The following THSD7A variants were observed in gnomAD, a reference collection of about 807,000 sequenced individuals.
THSD7A encodes the protein thrombospondin type 1 domain containing 7A, also known as thrombospondin type-1 domain-containing protein 7A.
Under a neutral mutation model 231.3 loss-of-function variants are expected in THSD7A, and 96 were observed. The observed-to-expected ratio is 0.41, with a 90% CI of 0.35 to 0.49. THSD7A has a LOEUF of 0.49. Ranked by LOEUF, THSD7A falls within the 20% of genes least tolerant of loss-of-function variation. The pLI is 0.05. For missense variants in THSD7A, 2,290 were observed against 2,070.2 expected (o/e 1.11, Z -2.06); for synonymous variants, 940 against 743.3 (o/e 1.26, Z -4.30).
intron 1 of THSD7A, among the ~76,000 whole-genome samples, chr7:11,778,677 C>T (rs1039474788): frequency 6.6e-6 from 1 of 152,016 alleles, no homozygotes; most frequent in African/African-American, 2.4e-5. Context: ...CACAGTTCAA[C>T]TTAGGACAAT....
chr7:11,501,034 G>C (rs1787315238), intron 6 of THSD7A, among the ~76,000 whole-genome samples: 1 of 150,648 alleles, frequency 6.6e-6, no homozygotes, highest in African/African-American at 2.4e-5. Context: ...AGACAAGGAA[G>C]GGCATTATAT....
intron 1 of THSD7A, among the ~76,000 whole-genome samples, chr7:11,685,981 T>C (rs1192707095): frequency 6.6e-6 from 1 of 151,948 alleles, no homozygotes; most frequent in Non-Finnish European, 1.5e-5. Flanking sequence ...TGCCCATTAA[T>C]GGTGGACTGG....
In THSD7A at chr7:11,490,008, A is replaced by G. The variant is rs926906283; in HGVS notation, c.1823-8026T>C. 2.0e-5 allele frequency among the ~76,000 whole-genome samples: 3 copies of G among 152,028 alleles called. No homozygotes were observed. The East Asian group carries it at 5.8e-4, about 29-fold the overall frequency. On this transcript the variant is annotated intron_variant, in intron 6 of 27. Transcript: ENST00000423059. ...ATTTTCAAAACCCTTTTTATTCACA[A>G]TAAGTTTGCCTATGTTTCCACTATG...
intron 24 of THSD7A, among the ~76,000 whole-genome samples, chr7:11,381,257 G>C (rs1782503750): frequency 1.3e-5 from 2 of 152,116 alleles, no homozygotes; most frequent in Admixed American, 6.6e-5. Context: ...GAGAGCAAAG[G>C]GTTTCTACTA....
At chr7:11,662,379 T>G (rs1421550434) in intron 1 of THSD7A, among the ~76,000 whole-genome samples, 2 of 151,384 alleles carry the variant, frequency 1.3e-5, no homozygotes, top group Non-Finnish European at 3.0e-5. Context: ...AATTTGTATG[T>G]GCCTAATAAC....
chr7:11,685,867 G>C (rs765812858), intron 1 of THSD7A, among the ~76,000 whole-genome samples: 18 of 152,012 alleles, frequency 1.2e-4, no homozygotes, highest in Middle Eastern at 3.4e-3. Flanking sequence ...CCATTACTGA[G>C]TATTACACAA....
intron 1 of THSD7A, among the ~76,000 whole-genome samples, chr7:11,781,440 T>C (rs971137858): frequency 5.3e-5 from 8 of 151,984 alleles, no homozygotes; most frequent in African/African-American, 1.7e-4. Flanking sequence ...AACAAGACCC[T>C]GTCTCAAAAA....
chr7:11,580,851 T>G (rs1324993518), intron 4 of THSD7A, among the ~76,000 whole-genome samples: 8 of 152,156 alleles, frequency 5.3e-5, no homozygotes, highest in African/African-American at 1.9e-4. Context: ...CAAGCTTACC[T>G]ATGTAAATGA....
intron 2 of THSD7A, among the ~76,000 whole-genome samples, chr7:11,608,561 A>G (rs1299200826): frequency 2.0e-5 from 3 of 152,136 alleles, no homozygotes; most frequent in African/African-American, 4.8e-5. Context: ...GACAACCTGG[A>G]GGTCCCAGTG....
At chr7:11,608,557 C>T (rs1584073952) in intron 2 of THSD7A, among the ~76,000 whole-genome samples, 2 of 152,220 alleles carry the variant, frequency 1.3e-5, no homozygotes, top group Non-Finnish European at 2.9e-5. Flanking sequence ...CTTGGACAAC[C>T]TGGAGGTCCC....
At position 11,651,539 on chromosome 7, in the gene THSD7A, CTA is replaced by C. The variant is rs536125544; in HGVS notation, c.191-14580_191-14579del. On this transcript the variant is annotated intron_variant, in intron 1 of 27. Coordinates refer to ENST00000423059, the MANE Select transcript of THSD7A (RefSeq NM_015204.3). Reference sequence around the variant, plus strand: ...TCTATCTATCTAGCACTACAATGAACTATAGCCCACCCTTTTTTAGTCATGTA... The same window carrying C: ...TCTATCTATCTAGCACTACAATGAACTAGCCCACCCTTTTTTAGTCATGTA... Among the ~76,000 whole-genome samples, 230 of 151,532 alleles carry C rather than the reference CTA, an allele frequency of 1.5e-3. 1 individual carries two copies. Among genetic ancestry groups the C allele is most frequent in the African/African-American group, 5.4e-3 (222 of 41,308 alleles).
intron 1 of THSD7A, among the ~76,000 whole-genome samples, chr7:11,661,621 A>G (rs1782933839): frequency 6.6e-6 from 1 of 151,318 alleles, no homozygotes; most frequent in Non-Finnish European, 1.5e-5. Flanking sequence ...AATCCAATTC[A>G]AAAATATACA....
intron 4 of THSD7A, among the ~76,000 whole-genome samples, chr7:11,563,282 G>C: frequency 6.6e-6 from 1 of 152,108 alleles, no homozygotes; most frequent in East Asian, 1.9e-4. Context: ...TAATGCTTGA[G>C]AATTATCTTT....
chr7:11,418,487 C>T (rs1784034876), intron 16 of THSD7A, among the ~76,000 whole-genome samples: 1 of 152,138 alleles, frequency 6.6e-6, no homozygotes, highest in Non-Finnish European at 1.5e-5. Flanking sequence ...TGGAAAAGGT[C>T]AGCCAACTTA....
At chr7:11,806,938 A>G (rs1399707022) in intron 1 of THSD7A, among the ~76,000 whole-genome samples, 1 of 152,072 alleles carries the variant, frequency 6.6e-6, no homozygotes, top group Non-Finnish European at 1.5e-5. Flanking sequence ...CATTTGCACA[A>G]AATACTGAAG....
chr7:11,780,954 G>T (rs1466055741), intron 1 of THSD7A, among the ~76,000 whole-genome samples: 1 of 116,650 alleles, frequency 8.6e-6, no homozygotes, highest in Non-Finnish European at 1.6e-5. Context: ...TTGCGCCACT[G>T]CAGTCCGCAG....
chr7:11,646,377 A>T (rs1209983576), intron 1 of THSD7A, among the ~76,000 whole-genome samples: 2 of 152,056 alleles, frequency 1.3e-5, no homozygotes, highest in Non-Finnish European at 2.9e-5. Context: ...TGTTGATCAT[A>T]ACAAACATAT....
intron 2 of THSD7A, among the ~76,000 whole-genome samples, chr7:11,596,415 G>T (rs994613159): frequency 6.6e-6 from 1 of 152,202 alleles, no homozygotes. Flanking sequence ...TGGGTCCAGT[G>T]GTTCCCGGGA....
intron 4 of THSD7A, among the ~76,000 whole-genome samples, chr7:11,588,016 G>A (rs1372974328): frequency 6.6e-6 from 1 of 151,836 alleles, no homozygotes; most frequent in Non-Finnish European, 1.5e-5. Context: ...AAGTAAAACT[G>A]AGTTGTTCAT....
Sources: gnomAD v4.1 joint callset for allele counts (sites outside exome capture counted in the v4.1 genomes callset) on GRCh38, gnomAD v4.1.1 for gene constraint, MANE v1.5 for transcripts, NCBI Gene and HGNC (gene_info 2026-07-23, HGNC 2026-07-21) for gene names.